The following AIFM2 variants were observed in gnomAD, a reference collection of about 807,000 sequenced individuals.
The protein encoded by AIFM2 is ferroptosis suppressor protein 1.
A neutral mutation model predicts 35.7 loss-of-function variants in AIFM2; 38 were observed. The observed-to-expected ratio is 1.06, with a 90% confidence interval of 0.82 to 1.39. The LOEUF is 1.39. Ranked by LOEUF, AIFM2 falls within the 40% of genes most tolerant of loss-of-function variation. The pLI, the probability that AIFM2 is intolerant of heterozygous loss-of-function variation, is 0.00. For synonymous variants in AIFM2, 185 were observed against 203.5 expected, an observed-to-expected ratio of 0.91 and a Z score of 0.77; for missense variants, 476 against 491.2, an observed-to-expected ratio of 0.97 and a Z score of 0.29.
At chr10:70,114,402 C>A in intron 8 of AIFM2, 73 bp from the exon 9 acceptor site, 1 of 1,586,288 alleles carries the variant, frequency 6.3e-7, no homozygotes, top group South Asian at 1.1e-5. Flanking sequence ...GAGTGCCGAT[C>A]CTTCCCGAGG....
chr10:70,120,867 A>G (rs543311721), intron 4 of AIFM2, among the ~76,000 whole-genome samples: 1 of 152,330 alleles, frequency 6.6e-6, no homozygotes, highest in South Asian at 2.1e-4. Context: ...AAAGTCAGAG[A>G]CATACCAAGG....
intron 3 of AIFM2, 137 bp downstream of exon 3, chr10:70,123,268 C>T: frequency 1.5e-6 from 1 of 666,870 alleles, no homozygotes; most frequent in Non-Finnish European, 2.5e-6. Context: ...ATCCGCCCGC[C>T]TTGGCCTCCC....
chr10:70,129,970 G>A (rs1320077586), intron 1 of AIFM2, among the ~76,000 whole-genome samples: 1 of 152,002 alleles, frequency 6.6e-6, no homozygotes, highest in Non-Finnish European at 1.5e-5. Flanking sequence ...GATTGCTTGA[G>A]CTCCGGAGTT....
Position 70,131,401 on chromosome 10 carries a change from G to GGCC in AIFM2, c.-14+1330_-14+1332dup. Among the ~76,000 whole-genome samples the GGCC allele has an allele frequency of 6.6e-6, 1 of 152,252 alleles. No homozygotes were observed. The highest frequency in any genetic ancestry group is 1.9e-4 in the East Asian group (1 of 5,180). ...GGCCTCCCTTCCTGGGACACTCCAT[G>GGCC]GCCAGCCCCTCAGGGACTACTTGAA... On this transcript the variant is annotated intron_variant, in intron 1 of 8. Transcript: ENST00000307864. This position sits in a 1 kb window ranked among gnomAD's most constrained non-coding sequence, Gnocchi z 4.1.
Position 70,113,191 on chromosome 10 carries a change from T to A in AIFM2, c.*987A>T, listed in dbSNP as rs7893137. On this transcript the variant is annotated 3_prime_UTR_variant, in exon 9 of 9. Coordinates refer to ENST00000307864, the MANE Select transcript of AIFM2 (RefSeq NM_032797.6). ...CCAGAAGAGCACATTTATCTAGCTC[T>A]TTCTTCTTAAATGAAACCTGTGGTA... The A allele has an allele frequency of 0.18, 27,690 of 152,142 alleles. 3,348 individuals carry two copies. The highest frequency in any genetic ancestry group is 0.39 in the East Asian group (2,026 of 5,166). 9.4% of individuals were successfully genotyped at this position (152,142 alleles called of 1,614,324 possible).
At position 70,131,375 on chromosome 10, in the gene AIFM2, C is replaced by T. The variant is rs2072625088; in HGVS notation, c.-14+1359G>A. Among the ~76,000 whole-genome samples, 1 of 152,150 alleles carries T rather than the reference C, an allele frequency of 6.6e-6. No homozygotes were observed. The highest frequency in any genetic ancestry group is 2.4e-5 in the African/African-American group (1 of 41,424). On this transcript the variant is annotated intron_variant, in intron 1 of 8. Coordinates refer to ENST00000307864, the MANE Select transcript of AIFM2 (RefSeq NM_032797.6). This position sits in a 1 kb window ranked among gnomAD's most constrained non-coding sequence, Gnocchi z 4.1. ...ACACAGCAGGATGGAGACGGTTGGG[C>T]GGCCTCCCTTCCTGGGACACTCCAT...
At chr10:70,123,854 G>C (rs1367464063) in intron 2 of AIFM2, 53 bp downstream of exon 2, 10 of 1,480,728 alleles carry the variant, frequency 6.8e-6, no homozygotes, top group South Asian at 1.4e-5. Flanking sequence ...TCAAGCCCCA[G>C]AGCAGAGACA....
intron 8 of AIFM2, 141 bp from the exon 9 acceptor site, chr10:70,114,470 A>AT (rs911871188): frequency 7.6e-4 from 807 of 1,064,438 alleles, no homozygotes; most frequent in Non-Finnish European, 8.6e-4. Context: ...TGAGACCCTG[A>AT]TTTTTTTTTG....
In AIFM2 at chr10:70,123,416, G is replaced by A; in HGVS notation, c.283C>T (p.Gln95Ter). 1.2e-6 allele frequency: 2 copies of A among 1,613,998 alleles called. No homozygotes were observed. Among genetic ancestry groups the A allele is most frequent in the Non-Finnish European group, 1.7e-6 (2 of 1,179,928 alleles). The part of the protein sequence containing the change: ...IDLKNQMVLL[Q>*]GGEALPFSHL... ...TGGCCCTCACTCACCTCGCCACCCT[G>A]CAGCAGCACCATCTGGTTCTTCAGG... Residue 95 changes from glutamine (Q) to a stop codon, truncating the protein, a stop_gained, in exon 3 of 9, where the codon CAG becomes TAG. Coordinates refer to ENST00000307864, the MANE Select transcript of AIFM2 (RefSeq NM_032797.6). LOFTEE classifies it high-confidence loss of function.
rs777603401 is a variant in AIFM2 at position 70,131,376 on chromosome 10, G to A, written c.-14+1358C>T. Among the ~76,000 whole-genome samples the A allele has an allele frequency of 7.4e-4, 113 of 152,218 alleles. 1 individual carries two copies. The highest frequency in any genetic ancestry group is 2.6e-3 in the African/African-American group (106 of 41,528). On this transcript the variant is annotated intron_variant, in intron 1 of 8. Coordinates refer to ENST00000307864, the MANE Select transcript of AIFM2 (RefSeq NM_032797.6). The surrounding 1 kb of genome is among the most constrained non-coding windows in gnomAD (Gnocchi z 4.1). ...CACAGCAGGATGGAGACGGTTGGGCGGCCTCCCTTCCTGGGACACTCCATG... is the reference window on the plus strand; with the variant it reads ...CACAGCAGGATGGAGACGGTTGGGCAGCCTCCCTTCCTGGGACACTCCATG...
chr10:70,127,194 G>A (rs1268412883), intron 1 of AIFM2, among the ~76,000 whole-genome samples: 8 of 152,234 alleles, frequency 5.3e-5, no homozygotes. Context: ...TCTGTGCTGG[G>A]TCTTACCCTT....
chr10:70,120,298 GC>G (rs2072485148), intron 5 of AIFM2, among the ~76,000 whole-genome samples: 1 of 152,226 alleles, frequency 6.6e-6, no homozygotes, highest in South Asian at 2.1e-4. Flanking sequence ...ACCCTGAGCA[GC>G]TCCGTAAGGT....
In AIFM2 at chr10:70,113,926, A is replaced by T; in HGVS notation, c.*252T>A. 2.1e-6 allele frequency: 1 copy of T among 470,008 alleles called. No individual in the cohort carries two copies. The highest frequency in any genetic ancestry group is 3.8e-6 in the Non-Finnish European group (1 of 263,068). The allele number at this position is 470,008 out of a possible 1,614,324, so 29.1% of individuals were successfully genotyped here. ...CTCCCCAGCACCATGCAGCCAGCAC[A>T]CATGAGCCGCTCACCCAGTACCACA... On this transcript the variant is annotated 3_prime_UTR_variant, in exon 9 of 9. Transcript: ENST00000307864.
chr10:70,121,470 C>T (rs2136659201), intron 3 of AIFM2, among the ~76,000 whole-genome samples: 1 of 152,138 alleles, frequency 6.6e-6, no homozygotes, highest in African/African-American at 2.4e-5. Context: ...AATGTGGGGG[C>T]AACTGGAGCC....
chr10:70,131,368 G>A lies in AIFM2; in HGVS notation c.-14+1366C>T, dbSNP rs1262852123. On this transcript the variant is annotated intron_variant, in intron 1 of 8. Coordinates refer to ENST00000307864, the MANE Select transcript of AIFM2 (RefSeq NM_032797.6). This position sits in a 1 kb window ranked among gnomAD's most constrained non-coding sequence, Gnocchi z 4.1. The stretch of plus-strand genomic sequence containing the variant: ...CTGCGGGACACAGCAGGATGGAGAC[G>A]GTTGGGCGGCCTCCCTTCCTGGGAC... Among the ~76,000 whole-genome samples the A allele has an allele frequency of 1.3e-5, 2 of 152,152 alleles. No homozygotes were observed. Among genetic ancestry groups the A allele is most frequent in the East Asian group, 3.9e-4 (2 of 5,190 alleles).
chr10:70,120,320 A>G (rs1178825240), intron 5 of AIFM2, among the ~76,000 whole-genome samples, 187 bp downstream of exon 5: 1 of 152,244 alleles, frequency 6.6e-6, no homozygotes, highest in Non-Finnish European at 1.5e-5. Context: ...CAGGTGCAGC[A>G]GGATCCCAGC....
intron 1 of AIFM2, among the ~76,000 whole-genome samples, chr10:70,125,437 CAAAAAAAAAAAAAAAAAA>C (rs199638586): frequency 5.4e-4 from 37 of 67,956 alleles, no homozygotes; most frequent in Non-Finnish European, 5.8e-4. Context: ...TCTGTCTCTA[CAAAAAAAAAAAAAAAAAA>C]AAAAAAAAAA....
Position 70,121,223 on chromosome 10 carries a change from C to CAAAAAAAA in AIFM2, c.295-20_295-13dup, listed in dbSNP as rs35599207. The CAAAAAAAA allele has an allele frequency of 1.9e-4, 127 of 665,084 alleles. No homozygotes were observed. Among genetic ancestry groups the CAAAAAAAA allele is most frequent in the Middle Eastern group, 6.9e-4 (1 of 1,452 alleles). The allele number at this position is 665,084 out of a possible 1,614,324, so 41.2% of individuals were successfully genotyped here. ...GAGAAGGGCAGGGCCTGAGAGAAAC[C>CAAAAAAAA]AAAAAAAAAAAAAAAAAAAAAAAAA... On this transcript the variant is annotated splice_polypyrimidine_tract_variant and intron_variant, in intron 3 of 8. Coordinates refer to ENST00000307864, the MANE Select transcript of AIFM2 (RefSeq NM_032797.6).
chr10:70,118,831 G>A (rs1350647507), intron 5 of AIFM2, among the ~76,000 whole-genome samples: 1 of 152,116 alleles, frequency 6.6e-6, no homozygotes, highest in Non-Finnish European at 1.5e-5. Flanking sequence ...CTGAGTGATG[G>A]GAGGGTCTGA....
Sources: gnomAD v4.1 joint callset for allele counts (sites outside exome capture counted in the v4.1 genomes callset) on GRCh38, gnomAD v4.1.1 for gene constraint, Gnocchi (gnomAD v3.1) non-coding constraint, MANE v1.5 for transcripts, NCBI Gene and HGNC (gene_info 2026-07-23, HGNC 2026-07-21) for gene names.